The following NRG3 variants were observed in gnomAD, a reference collection of about 807,000 sequenced individuals.
NRG3 encodes the protein neuregulin 3.
In NRG3, 31 loss-of-function variants were observed where a neutral mutation model predicts 66.9. The observed-to-expected ratio is 0.46, with a 90% confidence interval of 0.35 to 0.63. The LOEUF (loss-of-function observed/expected upper bound fraction) is 0.63. NRG3 is among the 20% of genes least tolerant of loss of function. NRG3 has a pLI of 0.00. For missense variants in NRG3, 910 were observed against 878.9 expected (o/e 1.04, Z -0.45); for synonymous variants, 393 against 359.4 (o/e 1.09, Z -1.06).
chr10:82,721,391 G>A (rs908033591), intron 2 of NRG3, among the ~76,000 whole-genome samples: 1 of 151,560 alleles, frequency 6.6e-6, no homozygotes, highest in Non-Finnish European at 1.5e-5. Flanking sequence ...GCCTGCTTCG[G>A]CCTCCCAAAA....
chr10:82,762,651 A>C (rs999885679), intron 3 of NRG3, among the ~76,000 whole-genome samples: 44 of 152,220 alleles, frequency 2.9e-4, no homozygotes, highest in Admixed American at 2.4e-3. Context: ...GGAATGAATG[A>C]AAATAATAGT....
intron 1 of NRG3, among the ~76,000 whole-genome samples, chr10:81,954,507 C>T (rs530785984): frequency 1.2e-4 from 19 of 152,180 alleles, no homozygotes; most frequent in South Asian, 8.3e-4. Context: ...GAAGAAACTA[C>T]AAGAAAACAA....
chr10:82,511,912 A>C (rs1590409682), intron 2 of NRG3, among the ~76,000 whole-genome samples: 1 of 151,920 alleles, frequency 6.6e-6, no homozygotes, highest in East Asian at 1.9e-4. Context: ...GTTTGGGCTT[A>C]TAACAGGCAT....
intron 6 of NRG3, among the ~76,000 whole-genome samples, chr10:82,960,435 G>C (rs1217055795): frequency 6.7e-6 from 1 of 149,520 alleles, no homozygotes; most frequent in Non-Finnish European, 1.5e-5. Context: ...TAGTTGAACT[G>C]AACTTCTATT....
chr10:82,774,392 G>A (rs2135204975), intron 3 of NRG3, among the ~76,000 whole-genome samples: 1 of 152,206 alleles, frequency 6.6e-6, no homozygotes, highest in African/African-American at 2.4e-5. Context: ...AAGTAATCTG[G>A]CTCTAGGCTT....
intron 2 of NRG3, among the ~76,000 whole-genome samples, chr10:82,674,937 A>ATATTTATT (rs57484788): frequency 0.076 from 10,867 of 143,620 alleles, 963 homozygotes; most frequent in African/African-American, 0.21. Flanking sequence ...GGTTTTATTT[A>ATATTTATT]TATTTATTTA....
chr10:82,503,814 A>G (rs559713950), intron 2 of NRG3, among the ~76,000 whole-genome samples: 7 of 152,308 alleles, frequency 4.6e-5, no homozygotes, highest in Admixed American at 3.9e-4. Flanking sequence ...ACTACTTATG[A>G]GACCAGTGCT....
intron 1 of NRG3, among the ~76,000 whole-genome samples, chr10:82,251,455 T>A (rs2077483812): frequency 6.6e-6 from 1 of 152,110 alleles, no homozygotes; most frequent in Non-Finnish European, 1.5e-5. Context: ...TGACTCCACA[T>A]GGGAGTGATC....
At position 82,015,225 on chromosome 10, in the gene NRG3, A is replaced by G. The variant is rs76379227; in HGVS notation, c.823+139062A>G. On this transcript the variant is annotated intron_variant, in intron 1 of 8. Transcript: ENST00000372141. ...GGTTCTCTAAAAAAGAAAGTATGAT[A>G]ATTGATTAATGTATGAGCAGATGAA... 9.8e-3 allele frequency among the ~76,000 whole-genome samples: 1,494 copies of G among 152,272 alleles called. 34 individuals are homozygous for G. The highest frequency in any genetic ancestry group is 0.034 in the African/African-American group (1,399 of 41,558).
chr10:81,922,167 A>C (rs1846309129), intron 1 of NRG3, among the ~76,000 whole-genome samples: 1 of 152,136 alleles, frequency 6.6e-6, no homozygotes, highest in African/African-American at 2.4e-5. Flanking sequence ...CATTTGTTAA[A>C]AAATTTTTTG....
At chr10:82,561,240 T>C (rs2045022100) in intron 2 of NRG3, among the ~76,000 whole-genome samples, 1 of 152,224 alleles carries the variant, frequency 6.6e-6, no homozygotes, top group Non-Finnish European at 1.5e-5. Flanking sequence ...AATCATTTAC[T>C]TGCACCTTCC....
chr10:82,138,377 T>C (rs965170217), intron 1 of NRG3, among the ~76,000 whole-genome samples: 1 of 152,170 alleles, frequency 6.6e-6, no homozygotes, highest in African/African-American at 2.4e-5. Context: ...GTTGGCTTAC[T>C]ATATTGGCCC....
chr10:82,585,044 G>T (rs658256), intron 2 of NRG3, among the ~76,000 whole-genome samples: 13,170 of 151,160 alleles, frequency 0.087, 652 homozygotes, highest in East Asian at 0.15. Context: ...TGGCTGTATG[G>T]GTGAGTATAA....
intron 1 of NRG3, among the ~76,000 whole-genome samples, chr10:81,903,990 ATATATATTTT>A (rs1198624633): frequency 6.8e-5 from 8 of 117,944 alleles, no homozygotes; most frequent in African/African-American, 1.6e-4. Flanking sequence ...ATATATATAT[ATATATATTTT>A]TTTTTTTTGT....
intron 2 of NRG3, among the ~76,000 whole-genome samples, chr10:82,555,228 G>T (rs2044576163): frequency 6.6e-6 from 1 of 152,084 alleles, no homozygotes. Context: ...TATAATCATA[G>T]TTTTGCAAAT....
chr10:82,172,248 A>G (rs2072680623), intron 1 of NRG3, among the ~76,000 whole-genome samples: 1 of 152,136 alleles, frequency 6.6e-6, no homozygotes, highest in Non-Finnish European at 1.5e-5. Context: ...GTGGACAACT[A>G]ATAAACAAAG....
intron 3 of NRG3, among the ~76,000 whole-genome samples, chr10:82,846,785 A>G (rs952980252): frequency 7.2e-5 from 11 of 152,228 alleles, no homozygotes; most frequent in African/African-American, 2.7e-4. Context: ...TGAAGTTCTC[A>G]TTACATAAAT....
intron 2 of NRG3, among the ~76,000 whole-genome samples, chr10:82,530,301 A>G (rs973188031): frequency 1.3e-5 from 2 of 152,092 alleles, no homozygotes; most frequent in East Asian, 1.9e-4. Context: ...AACATAATTC[A>G]TAACTGGGTC....
intron 1 of NRG3, among the ~76,000 whole-genome samples, chr10:82,131,964 A>G (rs1048842373): frequency 1.3e-5 from 2 of 152,098 alleles, no homozygotes; most frequent in Non-Finnish European, 2.9e-5. Flanking sequence ...CAAATGTAAG[A>G]TTATATCATC....
Sources: gnomAD v4.1 joint callset for allele counts (sites outside exome capture counted in the v4.1 genomes callset) on GRCh38, gnomAD v4.1.1 for gene constraint, MANE v1.5 for transcripts, NCBI Gene and HGNC (gene_info 2026-07-23, HGNC 2026-07-21) for gene names.